The following TASP1 variants were observed in gnomAD, a reference collection of about 807,000 sequenced individuals.
TASP1 encodes the protein taspase 1, also known as threonine aspartase 1.
In TASP1, 16 loss-of-function variants were observed where a neutral mutation model predicts 56.6. That is an observed-to-expected ratio of 0.28 (90% CI 0.19 to 0.43). TASP1 has a LOEUF of 0.43. Ranked by LOEUF, TASP1 falls within the 20% of genes least tolerant of loss-of-function variation. The pLI, the probability that TASP1 is intolerant of heterozygous loss-of-function variation, is 1.00. For synonymous variants in TASP1, 179 were observed against 184.2 expected (o/e 0.97, Z 0.23); for missense variants, 393 against 511.6 (o/e 0.77, Z 2.24).
At chr20:13,134,802 G>T in the TASP1 span, among the ~76,000 whole-genome samples, 1 of 152,128 alleles carries the variant, frequency 6.6e-6, no homozygotes. Context: ...GCAGGCAGAA[G>T]AATAAGAAAA....
the TASP1 span, among the ~76,000 whole-genome samples, chr20:13,175,553 A>G: frequency 2.0e-5 from 3 of 152,224 alleles, no homozygotes; most frequent in African/African-American, 7.2e-5. Flanking sequence ...AAAGGCATAG[A>G]GCAATGACAA....
intron 2 of TASP1, among the ~76,000 whole-genome samples, chr20:13,625,980 ATAATC>A (rs1301073572): frequency 2.0e-5 from 3 of 152,242 alleles, no homozygotes; most frequent in East Asian, 3.8e-4. Context: ...GGACTTAAGA[ATAATC>A]TAAACAAGAA....
chr20:13,312,625 T>C, the TASP1 span, among the ~76,000 whole-genome samples: 1 of 152,166 alleles, frequency 6.6e-6, no homozygotes, highest in Non-Finnish European at 1.5e-5. Context: ...TCTCCTGCTC[T>C]CCTGCCTCTG....
chr20:13,164,042 T>C, the TASP1 span, among the ~76,000 whole-genome samples: 2 of 152,158 alleles, frequency 1.3e-5, no homozygotes, highest in Admixed American at 6.5e-5. Context: ...CTCCTAATGC[T>C]ATCCCTCCCC....
rs903067416 is a variant in TASP1, at chr20:13,504,812, T to C, written c.875-21475A>G. Among the ~76,000 whole-genome samples, 5 of 152,260 alleles carry C rather than the reference T, an allele frequency of 3.3e-5. No individual in the cohort carries two copies. The East Asian group carries it at 7.7e-4, about 24-fold the overall frequency. On this transcript the variant is annotated intron_variant, in intron 10 of 13. Coordinates refer to ENST00000337743, the MANE Select transcript of TASP1 (RefSeq NM_017714.3). ...TTCATAACTATACAATTTTTATGTA[T>C]GTTTCATAGTAACTACAAAGCAAAA...
chr20:13,522,902 T>C (rs978771944), intron 10 of TASP1, among the ~76,000 whole-genome samples: 7 of 151,364 alleles, frequency 4.6e-5, no homozygotes, highest in African/African-American at 1.7e-4. Context: ...AAAACAGGAG[T>C]GTGTGGTCCC....
chr20:13,534,178 T>C, intron 8 of TASP1, 37 bp from the exon 9 acceptor site: 2 of 1,611,498 alleles, frequency 1.2e-6, no homozygotes, highest in Non-Finnish European at 1.7e-6. Flanking sequence ...TCACTAGGCA[T>C]GGAGTGGGAC....
At chr20:13,393,787 C>T (rs1402897166) in intron 13 of TASP1, 1 of 597,574 alleles carries the variant, frequency 1.7e-6, no homozygotes, top group Non-Finnish European at 3.0e-6. Flanking sequence ...CTCCCCTCCT[C>T]ACAATGTCCA....
chr20:13,467,966 A>G (rs2044327450), intron 11 of TASP1, among the ~76,000 whole-genome samples: 1 of 63,894 alleles, frequency 1.6e-5, no homozygotes, highest in Non-Finnish European at 4.6e-5. Context: ...CAGTGAGGCG[A>G]GGTTGCACCA....
chr20:13,285,052 C>A, the TASP1 span, among the ~76,000 whole-genome samples: 2 of 152,148 alleles, frequency 1.3e-5, no homozygotes, highest in Non-Finnish European at 2.9e-5. Context: ...TTTGGGAGGC[C>A]AAGGCAGGAG....
chr20:13,422,493 A>G (rs1349219804), intron 12 of TASP1, among the ~76,000 whole-genome samples: 1 of 152,136 alleles, frequency 6.6e-6, no homozygotes, highest in East Asian at 1.9e-4. Flanking sequence ...CAGATCAGTG[A>G]GTTTCCTCTT....
At chr20:13,614,111 G>A (rs903574654) in intron 4 of TASP1, among the ~76,000 whole-genome samples, 2 of 152,128 alleles carry the variant, frequency 1.3e-5, no homozygotes, top group African/African-American at 4.8e-5. Context: ...ACTCAACTTA[G>A]ACAGCCTGGA....
the TASP1 span, among the ~76,000 whole-genome samples, chr20:13,262,009 T>C: frequency 3.3e-5 from 5 of 152,210 alleles, no homozygotes; most frequent in African/African-American, 1.2e-4. Flanking sequence ...CCGTTCCCTC[T>C]GGTCGTAGGA....
chr20:13,370,426 CA>C, the TASP1 span, among the ~76,000 whole-genome samples: 1 of 151,952 alleles, frequency 6.6e-6, no homozygotes, highest in Non-Finnish European at 1.5e-5. Context: ...TATAATTGTA[CA>C]ACAGCTATAT....
chr20:13,575,808 G>T (rs184279103), intron 6 of TASP1, among the ~76,000 whole-genome samples: 1 of 152,000 alleles, frequency 6.6e-6, no homozygotes, highest in East Asian at 1.9e-4. Context: ...ACCATATACC[G>T]CATTGGAGGT....
chr20:13,358,900 C>T, the TASP1 span, among the ~76,000 whole-genome samples: 2 of 150,958 alleles, frequency 1.3e-5, no homozygotes, highest in South Asian at 2.1e-4. Context: ...CTTGTCTCTA[C>T]CCCTTCTCTG....
chr20:13,347,568 G>A, the TASP1 span, among the ~76,000 whole-genome samples: 4 of 152,214 alleles, frequency 2.6e-5, no homozygotes, highest in African/African-American at 9.6e-5. Flanking sequence ...GCCAGGCACG[G>A]TGGCTCACAC....
the TASP1 span, among the ~76,000 whole-genome samples, chr20:13,256,395 C>CAAAAAAAA: frequency 2.8e-5 from 2 of 71,802 alleles, no homozygotes; most frequent in Non-Finnish European, 5.7e-5. Flanking sequence ...GACCCCGTCT[C>CAAAAAAAA]AAAAAAAAAA....
At chr20:13,614,220 C>CAAA (rs768814026) in intron 4 of TASP1, among the ~76,000 whole-genome samples, 2 of 152,120 alleles carry the variant, frequency 1.3e-5, no homozygotes, top group Non-Finnish European at 2.9e-5. Context: ...GTTTGCATCA[C>CAAA]ATTCTGTGAA....
Sources: allele counts gnomAD v4.1 joint callset (sites outside exome capture counted in the v4.1 genomes callset), GRCh38; gene constraint gnomAD v4.1.1; transcripts MANE v1.5; gene names NCBI Gene and HGNC (gene_info 2026-07-23, HGNC 2026-07-21).